NUP160: variants seen among roughly 807,000 people sequenced by gnomAD.
NUP160 encodes the protein nucleoporin 160.
NUP160 carries 94 observed loss-of-function variants against 196.9 expected under a neutral mutation model. The ratio of observed to expected loss-of-function variants is 0.48; its 90% CI spans 0.40 to 0.57. The LOEUF is 0.57. Ranked by LOEUF, NUP160 falls within the 20% of genes least tolerant of loss-of-function variation. The probability of loss-of-function intolerance (pLI) is 0.00; values close to 1 mark genes in which losing one functional copy is unlikely to be tolerated. For synonymous variants in NUP160, 605 were observed against 619.7 expected (o/e 0.98, Z 0.35); for missense variants, 1,638 against 1,748.3 (o/e 0.94, Z 1.13).
chr11:47,808,603 G>T, intron 17 of NUP160, 74 bp from the exon 18 acceptor site: 1 of 1,242,618 alleles, frequency 8.0e-7, no homozygotes, highest in Non-Finnish European at 1.1e-6. Flanking sequence ...GGCTCAGGTG[G>T]AGGTAAAATA....
rs182690290 is a variant in NUP160, at chr11:47,786,917, T to C, written c.3747-363A>G. On this transcript the variant is annotated intron_variant, in intron 31 of 35. Transcript: ENST00000378460. ...GATTCTCCTGTCTCAGCCTCCTGAG[T>C]AGCTGGGACTACAGGCCCATGCCAC... 4.9e-4 allele frequency: 117 copies of C among 239,642 alleles called. 1 individual carries two copies. The highest frequency in any genetic ancestry group is 3.4e-3 in the Admixed American group (65 of 19,400). The allele number at this position is 239,642 out of a possible 1,614,324, so 14.8% of individuals were successfully genotyped here.
intron 29 of NUP160, among the ~76,000 whole-genome samples, 158 bp downstream of exon 29, chr11:47,791,772 T>C (rs1240119843): frequency 6.6e-6 from 1 of 152,180 alleles, no homozygotes; most frequent in Non-Finnish European, 1.5e-5. Context: ...TGCCTGCAGT[T>C]AAAACTTGTG....
rs1254955396 is a variant in NUP160 at position 47,832,030 on chromosome 11, C to T, written c.1101+3621G>A. Among the ~76,000 whole-genome samples the T allele has an allele frequency of 2.0e-5, 3 of 151,044 alleles. No homozygotes were observed. In the East Asian group the frequency reaches 6.0e-4, roughly 30 times the overall value. On this transcript the variant is annotated intron_variant, in intron 7 of 35. Coordinates refer to ENST00000378460, the Ensembl canonical transcript of NUP160. ...CATTCTCCTGCCTCAGCCTCCTGAG[C>T]AGCTGGGACTACAGGCATGCACCAC... is the stretch of plus-strand genomic sequence containing the variant.
Position 47,837,613 on chromosome 11 carries a change from T to C in NUP160, c.759A>G (p.Ser253=), listed in dbSNP as rs762905670. The stretch of plus-strand genomic sequence containing the variant: ...CTGAACTCTGTTTCAGTTCCACGAC[T>C]GACACCATACCTGCAATGATATCCA... The change falls in exon 5 of 36, where the codon TCA becomes TCG. Residue 253 remains serine (S), a synonymous_variant. Transcript: ENST00000378460. 9 of 1,613,900 alleles carry C rather than the reference T, an allele frequency of 5.6e-6. No individual in the cohort carries two copies. The highest frequency in any genetic ancestry group is 2.2e-5 in the South Asian group (2 of 91,080).
At chr11:47,807,175 TCTC>T (rs750606501) in intron 18 of NUP160, 35 bp from the exon 19 acceptor site, 1 of 1,306,988 alleles carries the variant, frequency 7.7e-7, no homozygotes, top group South Asian at 1.2e-5. Context: ...CTTAGTAAAT[TCTC>T]CTATGCTAAA....
chr11:47,788,323 G>T lies in NUP160; in HGVS notation c.3623-18C>A. Reference sequence around the variant, plus strand: ...TGAACTTCCTGTGAAAATGGAAAAAGATTATTTCGTGTAGCCAAGGTATAC... The same window carrying T: ...TGAACTTCCTGTGAAAATGGAAAAATATTATTTCGTGTAGCCAAGGTATAC... On this transcript the variant is annotated intron_variant, in intron 30 of 35. Coordinates refer to ENST00000378460, the Ensembl canonical transcript of NUP160. 1 of 1,613,268 alleles carries T rather than the reference G, an allele frequency of 6.2e-7. No homozygotes were observed. Among genetic ancestry groups the T allele is most frequent in the Non-Finnish European group, 8.5e-7 (1 of 1,179,808 alleles).
intron 20 of NUP160, 90 bp from the exon 21 acceptor site, chr11:47,804,708 A>G: frequency 1.2e-6 from 1 of 814,206 alleles, no homozygotes; most frequent in South Asian, 2.1e-5. Flanking sequence ...TCCATAAAAT[A>G]GCTTAATTTA....
chr11:47,788,619 T>A lies in NUP160; in HGVS notation c.3512-8A>T. ...TTTCAATTTGTCGATTTGCTATACA[T>A]CAAAGAAAAATATTTTGAACTCCCA... On this transcript the variant is annotated splice_polypyrimidine_tract_variant and splice_region_variant and intron_variant, in intron 29 of 35. Transcript: ENST00000378460. 1 of 1,588,380 alleles carries A rather than the reference T, an allele frequency of 6.3e-7. No homozygotes were observed. The highest frequency in any genetic ancestry group is 8.6e-7 in the Non-Finnish European group (1 of 1,157,576).
At position 47,792,772 on chromosome 11, in the gene NUP160, A is replaced by G; in HGVS notation, c.3450+14T>C. The G allele has an allele frequency of 1.3e-6, 2 of 1,580,766 alleles. No individual in the cohort carries two copies. The highest frequency in any genetic ancestry group is 1.7e-6 in the Non-Finnish European group (2 of 1,163,290). ...GGATGAACCCCCAAATTCCAGGATG[A>G]AATGTTTTCATACCACTGCACCAGA... On this transcript the variant is annotated intron_variant, in intron 28 of 35. Coordinates refer to ENST00000378460, the Ensembl canonical transcript of NUP160.
chr11:47,842,438 C>A (rs1171650483), intron 2 of NUP160, among the ~76,000 whole-genome samples: 2 of 152,156 alleles, frequency 1.3e-5, no homozygotes, highest in African/African-American at 4.8e-5. Context: ...AAAGTTGGAT[C>A]CTGGATCTCC....
At chr11:47,827,038 AG>A (rs1044809740) in intron 7 of NUP160, 1 of 456,084 alleles carries the variant, frequency 2.2e-6, no homozygotes, top group Non-Finnish European at 4.4e-6. Flanking sequence ...CTAGGAATAA[AG>A]GGGAACCTCC....
intron 23 of NUP160, among the ~76,000 whole-genome samples, chr11:47,801,542 G>A (rs1397509745): frequency 6.6e-6 from 1 of 152,070 alleles, no homozygotes; most frequent in Non-Finnish European, 1.5e-5. Context: ...TAGAGGCAGG[G>A]TTTTGGCATG....
intron 31 of NUP160, among the ~76,000 whole-genome samples, chr11:47,786,785 C>CTT (rs1445517181): frequency 3.9e-5 from 6 of 152,066 alleles, no homozygotes; most frequent in Admixed American, 6.6e-5. Context: ...ATGAAAAATT[C>CTT]TTTTTTCTTT....
At chr11:47,817,907 A>T (rs1329749307) in intron 11 of NUP160, 149 bp downstream of exon 11, 21 of 563,218 alleles carry the variant, frequency 3.7e-5, no homozygotes, top group South Asian at 3.3e-4. Flanking sequence ...AAAGAACATT[A>T]AAAAAATTAT....
At chr11:47,809,107 GA>G (rs549313646) in intron 17 of NUP160, among the ~76,000 whole-genome samples, 303 of 142,606 alleles carry the variant, frequency 2.1e-3, no homozygotes, top group Middle Eastern at 0.014. Context: ...TCTTAAAAAA[GA>G]AAAAAAAAAA....
chr11:47,808,243 T>C (rs1164675818), intron 18 of NUP160, among the ~76,000 whole-genome samples, 153 bp downstream of exon 18: 2 of 152,224 alleles, frequency 1.3e-5, no homozygotes, highest in African/African-American at 4.8e-5. Context: ...ATCATGCCAT[T>C]GCACTCCGGC....
At chr11:47,783,460 GTTTTA>G (rs2135340625) in intron 33 of NUP160, among the ~76,000 whole-genome samples, 1 of 152,088 alleles carries the variant, frequency 6.6e-6, no homozygotes, top group South Asian at 2.1e-4. Flanking sequence ...TTCTTCCCCT[GTTTTA>G]TGACCTAAGA....
intron 17 of NUP160, among the ~76,000 whole-genome samples, chr11:47,810,223 G>A (rs905287677): frequency 2.0e-5 from 3 of 151,176 alleles, no homozygotes; most frequent in Non-Finnish European, 4.4e-5. Flanking sequence ...TTTGAGATAG[G>A]GTCTCACTCT....
chr11:47,847,891 T>G, exon 2 of NUP160: 1 of 1,613,974 alleles, frequency 6.2e-7, no homozygotes, highest in Non-Finnish European at 8.5e-7. Context: ...AACTTGCCAC[T>G]CTCCACGTAG....
Sources: gnomAD v4.1 joint callset for allele counts (sites outside exome capture counted in the v4.1 genomes callset) on GRCh38, gnomAD v4.1.1 for gene constraint, MANE v1.5 for transcripts, NCBI Gene and HGNC (gene_info 2026-07-23, HGNC 2026-07-21) for gene names.